The following RBFOX1 variants were observed in gnomAD, a reference collection of about 807,000 sequenced individuals.
RBFOX1 encodes RNA binding fox-1 homolog 1.
Under a neutral mutation model 57.7 loss-of-function variants are expected in RBFOX1, and 8 were observed. The observed-to-expected ratio is 0.14, with a 90% CI of 0.08 to 0.25. The LOEUF is 0.25. RBFOX1 is among the 10% of genes least tolerant of loss of function. The pLI, the probability that RBFOX1 is intolerant of heterozygous loss-of-function variation, is 1.00. For synonymous variants in RBFOX1, 326 were observed against 222.4 expected, an observed-to-expected ratio of 1.47 and a Z score of -4.15; for missense variants, 611 against 548.5, an observed-to-expected ratio of 1.11 and a Z score of -1.14.
intron 2 of RBFOX1, among the ~76,000 whole-genome samples, chr16:6,576,524 C>T (rs1001617182): frequency 6.6e-6 from 1 of 152,140 alleles, no homozygotes; most frequent in Non-Finnish European, 1.5e-5. Context: ...AACTTGAGGA[C>T]ATTGAAATGC....
At chr16:5,242,134 G>T (rs185813121) in intron 1 of RBFOX1, among the ~76,000 whole-genome samples, 13 of 151,518 alleles carry the variant, frequency 8.6e-5, no homozygotes, top group African/African-American at 7.3e-5. Flanking sequence ...GAGAGAGAGA[G>T]AGACAGACAG....
intron 1 of RBFOX1, among the ~76,000 whole-genome samples, chr16:5,350,061 G>A (rs1197707618): frequency 1.3e-5 from 2 of 152,218 alleles, no homozygotes; most frequent in African/African-American, 4.8e-5. Flanking sequence ...TTGCGTGAGA[G>A]GAAATGAAAG....
intron 3 of RBFOX1, among the ~76,000 whole-genome samples, chr16:5,629,513 A>G (rs554792325): frequency 6.8e-4 from 103 of 152,350 alleles, no homozygotes; most frequent in African/African-American, 2.4e-3. Flanking sequence ...CCATTTAACT[A>G]CTGGATAACT....
intron 1 of RBFOX1, among the ~76,000 whole-genome samples, chr16:6,229,936 T>A (rs1228292640): frequency 6.6e-6 from 1 of 152,152 alleles, no homozygotes; most frequent in African/African-American, 2.4e-5. Flanking sequence ...CATCCCTTAT[T>A]TTAAAGGAAA....
intron 3 of RBFOX1, among the ~76,000 whole-genome samples, chr16:5,696,402 C>T (rs1289771221): frequency 1.3e-5 from 2 of 152,142 alleles, no homozygotes; most frequent in Non-Finnish European, 2.9e-5. Flanking sequence ...ATTTGTTAAC[C>T]ATTTTCCTAC....
intron 4 of RBFOX1, among the ~76,000 whole-genome samples, chr16:7,245,691 A>T (rs367884947): frequency 1.3e-5 from 2 of 152,340 alleles, no homozygotes; most frequent in South Asian, 4.1e-4. Flanking sequence ...TTGTTGAAAG[A>T]TGTTTGCCTG....
intron 1 of RBFOX1, among the ~76,000 whole-genome samples, chr16:5,250,749 C>G (rs948751015): frequency 6.6e-6 from 1 of 152,206 alleles, no homozygotes; most frequent in African/African-American, 2.4e-5. Context: ...TGTGGATGCA[C>G]CACGCTTCGT....
intron 2 of RBFOX1, among the ~76,000 whole-genome samples, chr16:6,632,617 C>T (rs1159307106): frequency 6.6e-6 from 1 of 152,152 alleles, no homozygotes; most frequent in Admixed American, 6.5e-5. Flanking sequence ...GCAGGCCTGG[C>T]CATGGGTGTT....
intron 2 of RBFOX1, among the ~76,000 whole-genome samples, chr16:6,457,348 C>T (rs1257394189): frequency 6.6e-6 from 1 of 151,334 alleles, no homozygotes; most frequent in African/African-American, 2.4e-5. Context: ...ATGATAGACT[C>T]AAGAAGTACT....
At chr16:6,793,005 G>A (rs1177210485) in intron 3 of RBFOX1, among the ~76,000 whole-genome samples, 1 of 151,016 alleles carries the variant, frequency 6.6e-6, no homozygotes, top group African/African-American at 2.4e-5. Flanking sequence ...CTGCAGGCTG[G>A]GCGACAGAGT....
At chr16:6,747,704 C>G (rs2074041600) in intron 3 of RBFOX1, among the ~76,000 whole-genome samples, 1 of 152,112 alleles carries the variant, frequency 6.6e-6, no homozygotes, top group African/African-American at 2.4e-5. Flanking sequence ...TTTGCAAAAG[C>G]AGAAATATGT....
chr16:6,927,328 G>C (rs765698155), intron 3 of RBFOX1, among the ~76,000 whole-genome samples: 1 of 146,260 alleles, frequency 6.8e-6, no homozygotes, highest in African/African-American at 2.5e-5. Flanking sequence ...CACGAGAATC[G>C]CTGGAACCCG....
At chr16:5,701,963 C>T (rs1377517484) in intron 3 of RBFOX1, among the ~76,000 whole-genome samples, 4 of 152,168 alleles carry the variant, frequency 2.6e-5, no homozygotes, top group Admixed American at 6.5e-5. Context: ...GTCTTGTTTC[C>T]TTCTGTTCTT....
chr16:6,085,471 A>G (rs1047932389), intron 1 of RBFOX1, among the ~76,000 whole-genome samples: 15 of 152,144 alleles, frequency 9.9e-5, no homozygotes, highest in Admixed American at 9.8e-4. Flanking sequence ...GGGTTTCACC[A>G]TGTTGATCTG....
At chr16:6,501,824 G>A (rs1037229696) in intron 2 of RBFOX1, among the ~76,000 whole-genome samples, 9 of 124,688 alleles carry the variant, frequency 7.2e-5, no homozygotes, top group African/African-American at 2.6e-4. Flanking sequence ...GACACTGGGG[G>A]GAAATTCTTC....
chr16:6,590,381 C>T (rs2097693414), intron 2 of RBFOX1, among the ~76,000 whole-genome samples: 1 of 152,104 alleles, frequency 6.6e-6, no homozygotes, highest in African/African-American at 2.4e-5. Flanking sequence ...TGGGGTTTTT[C>T]AGTAGTGCTT....
Position 5,598,852 on chromosome 16 carries a change from C to G in RBFOX1, c.259-50C>G, listed in dbSNP as rs578046327. On this transcript the variant is annotated intron_variant, in intron 2 of 2. Transcript: ENST00000585867. ...GTTACTCAAGGTTAGAATTTTTTTC[C>G]TCAACCCGGCTTCCCCAACCTTTTT... The G allele has an allele frequency of 1.1e-5, 15 of 1,397,446 alleles. No homozygotes were observed. The African/African-American group carries it at 2.0e-4, about 19-fold the overall frequency. The allele number at this position is 1,397,446 out of a possible 1,614,324, so 86.6% of individuals were successfully genotyped here.
At chr16:7,357,003 A>G (rs946408363) in intron 4 of RBFOX1, among the ~76,000 whole-genome samples, 19 of 152,276 alleles carry the variant, frequency 1.2e-4, no homozygotes, top group Middle Eastern at 3.4e-3. Context: ...GTGCTTGGCC[A>G]TTTCACACCA....
At chr16:5,562,378 C>T (rs1355199120) in intron 2 of RBFOX1, among the ~76,000 whole-genome samples, 2 of 152,234 alleles carry the variant, frequency 1.3e-5, no homozygotes, top group Non-Finnish European at 2.9e-5. Flanking sequence ...CAGTGAAGAA[C>T]CTCTTGGTCC....
Sources: allele counts gnomAD v4.1 joint callset (sites outside exome capture counted in the v4.1 genomes callset), GRCh38; gene constraint gnomAD v4.1.1; transcripts MANE v1.5; gene names NCBI Gene and HGNC (gene_info 2026-07-23, HGNC 2026-07-21).